VWF: variants seen among roughly 807,000 people sequenced by gnomAD.
The protein encoded by VWF is von Willebrand factor.
In VWF, 176 loss-of-function variants were observed where a neutral mutation model predicts 308.6. The ratio of observed to expected loss-of-function variants is 0.57; its 90% CI spans 0.50 to 0.65. The LOEUF is 0.65. Ranked by LOEUF, VWF falls within the 30% of genes least tolerant of loss-of-function variation. The probability of loss-of-function intolerance (pLI) is 0.00; values close to 1 mark genes in which losing one functional copy is unlikely to be tolerated. For synonymous variants in VWF, 1,385 were observed against 1,443.4 expected, an observed-to-expected ratio of 0.96 and a Z score of 0.92; for missense variants, 3,146 against 3,648.2, an observed-to-expected ratio of 0.86 and a Z score of 3.55.
chr12:6,090,623 C>T (rs373140088), intron 6 of VWF, among the ~76,000 whole-genome samples: 1,086 of 89,038 alleles, frequency 0.012, 8 homozygotes, highest in Admixed American at 0.028. Context: ...TCCTCCTCCT[C>T]CTCCTTCTCG....
rs371907291 is a variant in VWF at position 6,102,591 on chromosome 12, C to T, written c.533-7007G>A. On this transcript the variant is annotated intron_variant, in intron 5 of 51. Coordinates refer to ENST00000261405, the MANE Select transcript of VWF (RefSeq NM_000552.5). Reference sequence around the variant, plus strand: ...CTCTACTAAAAATACAAAAATTAGCCAGGCGTGGTGGCAGGCGCCTGTAGT... The same window carrying T: ...CTCTACTAAAAATACAAAAATTAGCTAGGCGTGGTGGCAGGCGCCTGTAGT... 2.7e-3 allele frequency among the ~76,000 whole-genome samples: 399 copies of T among 150,510 alleles called. 1 individual carries two copies. The highest frequency in any genetic ancestry group is 8.7e-3 in the African/African-American group (358 of 40,922).
rs536370359 is a variant in VWF, at chr12:6,098,268, T to C, written c.533-2684A>G. On this transcript the variant is annotated intron_variant, in intron 5 of 51. Coordinates refer to ENST00000261405, the MANE Select transcript of VWF (RefSeq NM_000552.5). ...TCCTTTGAGGATGGTTTCTGAAATA[T>C]TACCAGAGTCCTGAATTTTTACCAA... is the stretch of plus-strand genomic sequence containing the variant. Among the ~76,000 whole-genome samples the C allele has an allele frequency of 9.8e-5, 15 of 152,330 alleles. No individual in the cohort carries two copies. In the South Asian group the frequency reaches 1.2e-3, roughly 13 times the overall value.
In VWF at chr12:6,099,432, T is replaced by G. The variant is rs528500307; in HGVS notation, c.533-3848A>C. 5.3e-4 allele frequency among the ~76,000 whole-genome samples: 81 copies of G among 151,764 alleles called. 1 individual carries two copies. The South Asian group carries it at 0.016, about 30-fold the overall frequency. On this transcript the variant is annotated intron_variant, in intron 5 of 51. Transcript: ENST00000261405. ...AATATCTGTACTTGTGGGAAAGCCC[T>G]CATATGGATTTGAGATTCCTATTTA...
intron 38 of VWF, among the ~76,000 whole-genome samples, chr12:5,986,251 A>G (rs1418678429): frequency 6.6e-6 from 1 of 152,144 alleles, no homozygotes; most frequent in East Asian, 1.9e-4. Context: ...AACTCTAACA[A>G]AGGCTGCATT....
chr12:6,072,260 C>G, intron 9 of VWF, 71 bp downstream of exon 9: 1 of 1,434,742 alleles, frequency 7.0e-7, no homozygotes, highest in Non-Finnish European at 9.8e-7. Context: ...TGCCACCACC[C>G]CTGCTGACCC....
rs34140032 is a variant in VWF, at chr12:6,108,334, TACACACACAC to T, written c.532+2030_532+2039del. On this transcript the variant is annotated intron_variant, in intron 5 of 51. Transcript: ENST00000261405. ...AGAAAGAAAGAAAGAAAGAAATATA[TACACACACAC>T]ACACACACACACACACACACACAAA... Among the ~76,000 whole-genome samples the T allele has an allele frequency of 7.2e-5, 9 of 124,158 alleles. 1 individual carries two copies. In the South Asian group the frequency reaches 8.0e-4, roughly 11 times the overall value. The allele number at this position is 124,158 out of a possible 152,430, so 81.5% of individuals were successfully genotyped here.
chr12:6,108,204 G>C (rs1260916073), intron 5 of VWF, among the ~76,000 whole-genome samples: 1 of 151,076 alleles, frequency 6.6e-6, no homozygotes, highest in African/African-American at 2.4e-5. Flanking sequence ...TGAGGTAGAA[G>C]AATCGCTTGA....
At chr12:6,081,593 C>G (rs1289522004) in intron 6 of VWF, among the ~76,000 whole-genome samples, 2 of 152,200 alleles carry the variant, frequency 1.3e-5, no homozygotes, top group African/African-American at 2.4e-5. Flanking sequence ...CCGCCTTTGC[C>G]TCCCAAAGCT....
Position 6,038,788 on chromosome 12 carries a change from G to A in VWF, c.2443-2297C>T, listed in dbSNP as rs145335173. Among the ~76,000 whole-genome samples the A allele has an allele frequency of 4.6e-5, 7 of 152,348 alleles. No individual in the cohort carries two copies. In the East Asian group the frequency reaches 1.3e-3, roughly 29 times the overall value. ...GGACTGCTATGAAGGCCACAGTGGT[G>A]TGGAGTTAGGTCATAAGAGAGCTGG... On this transcript the variant is annotated intron_variant, in intron 18 of 51. Transcript: ENST00000261405.
At chr12:6,032,199 A>G (rs1319387854) in intron 20 of VWF, among the ~76,000 whole-genome samples, 1 of 152,040 alleles carries the variant, frequency 6.6e-6, no homozygotes, top group East Asian at 1.9e-4. Context: ...TGATGTGATG[A>G]AAAAGAAAGA....
chr12:5,951,177 A>G (rs1943151211), intron 50 of VWF, among the ~76,000 whole-genome samples: 1 of 152,174 alleles, frequency 6.6e-6, no homozygotes, highest in Non-Finnish European at 1.5e-5. Flanking sequence ...TGTGCTCACA[A>G]ACACAAGCAT....
chr12:6,059,467 C>T (rs1031666700), intron 13 of VWF, among the ~76,000 whole-genome samples: 22 of 152,174 alleles, frequency 1.4e-4, no homozygotes, highest in African/African-American at 5.3e-4. Context: ...CCACAGACTG[C>T]GTGGCTTATA....
chr12:6,053,268 T>C (rs1462037215), intron 15 of VWF, among the ~76,000 whole-genome samples: 1 of 152,204 alleles, frequency 6.6e-6, no homozygotes, highest in Non-Finnish European at 1.5e-5. Flanking sequence ...ACTGAATGCC[T>C]TGCTCTTACG....
intron 31 of VWF, among the ~76,000 whole-genome samples, chr12:6,014,926 C>A (rs973675080): frequency 7.9e-5 from 12 of 152,182 alleles, no homozygotes; most frequent in African/African-American, 2.9e-4. Flanking sequence ...TGCTTTCTTT[C>A]CCAGTGAAAA....
chr12:6,120,211 G>A (rs1026227881), intron 3 of VWF, among the ~76,000 whole-genome samples: 1 of 152,166 alleles, frequency 6.6e-6, no homozygotes, highest in African/African-American at 2.4e-5. Flanking sequence ...TGTTGCCAAA[G>A]ACTCCCTCCT....
Position 6,057,050 on chromosome 12 carries a change from G to A in VWF, c.1752C>T (p.Cys584=), listed in dbSNP as rs748584672. Residue 584 remains cysteine, a synonymous_variant, in exon 15 of 52, where the codon TGC becomes TGT. Coordinates refer to ENST00000261405, the MANE Select transcript of VWF (RefSeq NM_000552.5). The part of the protein sequence containing the change: ...PRMTRFSEEA[C]AVLTSPTFEA... ...CGAATGTGGGGGACGTCAGGACCGC[G>A]CACGCCTCCTCGGAGAACCTGGCTG... 5.8e-6 allele frequency: 9 copies of A among 1,544,186 alleles called. No homozygotes were observed. The highest frequency in any genetic ancestry group is 2.7e-5 in the African/African-American group (2 of 73,614).
chr12:6,081,242 A>G (rs1254510103), intron 6 of VWF, among the ~76,000 whole-genome samples: 1 of 152,214 alleles, frequency 6.6e-6, no homozygotes, highest in African/African-American at 2.4e-5. Flanking sequence ...CAAAGAACAC[A>G]GCTCTCCTCA....
At position 6,058,237 on chromosome 12, in the gene VWF, C is replaced by G. The variant is rs186910661; in HGVS notation, c.1534-193G>C. 2.1e-3 allele frequency among the ~76,000 whole-genome samples: 314 copies of G among 152,324 alleles called. 11 individuals carry two copies. The highest frequency in any genetic ancestry group is 0.018 in the Admixed American group (280 of 15,306). On this transcript the variant is annotated intron_variant, in intron 13 of 51. Transcript: ENST00000261405. The surrounding 1 kb of genome is among the most constrained non-coding windows in gnomAD (Gnocchi z 4.9). ...GAAAGTGAACTGCAGTGTAAATTTACCAGCTCCATCCCTGTTCCCAAATCA... is the reference window on the plus strand; with the variant it reads ...GAAAGTGAACTGCAGTGTAAATTTAGCAGCTCCATCCCTGTTCCCAAATCA...
chr12:6,108,764 G>C (rs781269123), intron 5 of VWF, among the ~76,000 whole-genome samples: 1 of 151,966 alleles, frequency 6.6e-6, no homozygotes, highest in Non-Finnish European at 1.5e-5. Flanking sequence ...GGCAGATCAC[G>C]AGGTCAGGAG....
Sources: gnomAD v4.1 joint callset for allele counts (sites outside exome capture counted in the v4.1 genomes callset) on GRCh38, gnomAD v4.1.1 for gene constraint, Gnocchi (gnomAD v3.1) non-coding constraint, MANE v1.5 for transcripts, NCBI Gene and HGNC (gene_info 2026-07-23, HGNC 2026-07-21) for gene names.